The following BIRC6 variants were observed in gnomAD, a reference collection of about 807,000 sequenced individuals.
BIRC6 encodes baculoviral IAP repeat containing 6, also known as dual E2 ubiquitin-conjugating enzyme/E3 ubiquitin-protein ligase BIRC6.
A neutral mutation model predicts 503.3 loss-of-function variants in BIRC6; 98 were observed. That is an observed-to-expected ratio of 0.19 (90% CI 0.17 to 0.23). BIRC6 has a LOEUF of 0.23. Ranked by LOEUF, BIRC6 falls within the 10% of genes least tolerant of loss-of-function variation. The pLI is 1.00. For missense variants in BIRC6, 5,360 were observed against 5,806.0 expected (o/e 0.92, Z 2.50); for synonymous variants, 2,240 against 2,078.7 (o/e 1.08, Z -2.11).
chr2:32,591,937 T>C (rs185910699), intron 66 of BIRC6, among the ~76,000 whole-genome samples: 5 of 152,320 alleles, frequency 3.3e-5, no homozygotes, highest in Admixed American at 2.6e-4. Context: ...TTATTAGCTA[T>C]TGACAAATGC....
chr2:32,386,747 C>A (rs780706736), intron 3 of BIRC6, among the ~76,000 whole-genome samples: 4 of 152,118 alleles, frequency 2.6e-5, no homozygotes, highest in African/African-American at 4.8e-5. Context: ...AACCTCAAAT[C>A]TTTTACAGTG....
intron 65 of BIRC6, among the ~76,000 whole-genome samples, chr2:32,569,453 C>G (rs1196460353): frequency 6.6e-6 from 1 of 152,168 alleles, no homozygotes; most frequent in Non-Finnish European, 1.5e-5. Context: ...ACTGTAGCCT[C>G]GACCTGGTAG....
chr2:32,460,245 GATATAT>G (rs1269564471), intron 23 of BIRC6, among the ~76,000 whole-genome samples: 318 of 30,984 alleles, frequency 0.01, 13 homozygotes, highest in Non-Finnish European at 0.013. Flanking sequence ...TCTCGTATAT[GATATAT>G]ATATATATAT....
intron 32 of BIRC6, among the ~76,000 whole-genome samples, chr2:32,471,525 A>G (rs2049098934): frequency 6.6e-6 from 1 of 152,170 alleles, no homozygotes; most frequent in Admixed American, 6.5e-5. Context: ...TTAACTACAA[A>G]TGGCCTGTAT....
intron 66 of BIRC6, chr2:32,590,811 T>C: frequency 1.0e-6 from 1 of 985,872 alleles, no homozygotes; most frequent in Non-Finnish European, 1.2e-6. Flanking sequence ...TTCAGGGCAG[T>C]GATCACAACC....
intron 65 of BIRC6, among the ~76,000 whole-genome samples, chr2:32,554,123 G>T (rs947851220): frequency 6.6e-6 from 1 of 152,070 alleles, no homozygotes; most frequent in South Asian, 2.1e-4. Context: ...TTACTTTAGA[G>T]ACCCTCACCT....
At chr2:32,368,595 T>C (rs984493526) in intron 1 of BIRC6, among the ~76,000 whole-genome samples, 2 of 152,140 alleles carry the variant, frequency 1.3e-5, no homozygotes, top group South Asian at 4.1e-4. Context: ...TCAAACTCTC[T>C]AACTCCCTAG....
chr2:32,506,072 C>G (rs2053768870), intron 50 of BIRC6, among the ~76,000 whole-genome samples: 1 of 152,092 alleles, frequency 6.6e-6, no homozygotes, highest in Non-Finnish European at 1.5e-5. Flanking sequence ...TACTTTCAAA[C>G]TCCTGGGCTC....
At chr2:32,529,970 AAAT>A in intron 60 of BIRC6, 146 bp downstream of exon 60, 1 of 488,528 alleles carries the variant, frequency 2.0e-6, no homozygotes, top group Non-Finnish European at 3.3e-6. Flanking sequence ...TAAATATAAA[AAAT>A]GGCCATTATT....
chr2:32,391,700 A>G (rs1267183617), intron 4 of BIRC6, among the ~76,000 whole-genome samples: 1 of 152,226 alleles, frequency 6.6e-6, no homozygotes, highest in African/African-American at 2.4e-5. Flanking sequence ...TGGACTTCTC[A>G]AAAAGTTTAC....
rs2055764556 is a variant in BIRC6 at position 32,521,905 on chromosome 2, T to G, written c.11623+2959T>G. On this transcript the variant is annotated intron_variant, in intron 57 of 73. Coordinates refer to ENST00000421745, the MANE Select transcript of BIRC6 (RefSeq NM_016252.4). The stretch of plus-strand genomic sequence containing the variant: ...AATTTTTTCTTCACATTTCTTATGA[T>G]TAGAGTTTGTCGAGTTTCTTGAATC... 2 of 152,176 alleles carry G rather than the reference T, an allele frequency of 1.3e-5. 1 individual carries two copies. The highest frequency in any genetic ancestry group is 4.1e-4 in the South Asian group (2 of 4,832). The allele number at this position is 152,176 out of a possible 1,614,324, so 9.4% of individuals were successfully genotyped here.
chr2:32,467,587 C>T lies in BIRC6; in HGVS notation c.5419C>T (p.Pro1807Ser). ...RPILLTDVLI[P>S]TCGDLASLSI... ...TATATTGTTGACTGATGTATTGATT[C>T]CCACTTGTGGAGACTTGGCCTCTTT... is the stretch of plus-strand genomic sequence containing the variant. The change falls in exon 27 of 74, where the codon CCC becomes TCC. Residue 1807 changes from proline (P) to serine (S), a missense_variant. Around this residue, in one of 16 missense-constraint regions of BIRC6, gnomAD observed 2,299 missense variants for 2,267.2 expected, o/e 1.01. Coordinates refer to ENST00000421745, the MANE Select transcript of BIRC6 (RefSeq NM_016252.4). The T allele has an allele frequency of 1.2e-6, 2 of 1,613,836 alleles. No individual in the cohort carries two copies. The highest frequency in any genetic ancestry group is 1.7e-6 in the Non-Finnish European group (2 of 1,179,846).
At chr2:32,551,614 C>G (rs1489939819) in intron 65 of BIRC6, among the ~76,000 whole-genome samples, 2 of 152,166 alleles carry the variant, frequency 1.3e-5, no homozygotes, top group African/African-American at 4.8e-5. Context: ...AACAAATTAT[C>G]TAGCCAGAGT....
intron 24 of BIRC6, among the ~76,000 whole-genome samples, chr2:32,464,048 C>A (rs1276332342): frequency 6.6e-6 from 1 of 152,152 alleles, no homozygotes; most frequent in Non-Finnish European, 1.5e-5. Context: ...CGAAACCAGT[C>A]CCCTGCGCCT....
chr2:32,580,294 T>C (rs1175961940), intron 66 of BIRC6, among the ~76,000 whole-genome samples: 2 of 152,120 alleles, frequency 1.3e-5, no homozygotes, highest in East Asian at 3.9e-4. Flanking sequence ...TCTGACATAT[T>C]AGTAGAATTC....
rs139264064 is a variant in BIRC6, at chr2:32,568,468, G to A, written c.13145-6688G>A. Among the ~76,000 whole-genome samples, 402 of 146,208 alleles carry A rather than the reference G, an allele frequency of 2.7e-3. 6 individuals are homozygous for A. Among genetic ancestry groups the A allele is most frequent in the African/African-American group, 9.8e-3 (392 of 40,004 alleles). ...GGTTACACCATTGCACTCCAGCCTG[G>A]GCAACAGAGTGAGACCTTGGCGCAA... On this transcript the variant is annotated intron_variant, in intron 65 of 73. Coordinates refer to ENST00000421745, the MANE Select transcript of BIRC6 (RefSeq NM_016252.4).
intron 45 of BIRC6, 33 bp downstream of exon 45, chr2:32,493,700 T>C (rs1282259446): frequency 5.3e-6 from 8 of 1,503,188 alleles, no homozygotes; most frequent in Admixed American, 3.5e-5. Context: ...GTTCCTGATA[T>C]AGAAGTAACA....
intron 50 of BIRC6, 116 bp downstream of exon 50, chr2:32,505,321 A>G: frequency 1.2e-6 from 1 of 807,350 alleles, no homozygotes; most frequent in Non-Finnish European, 1.9e-6. Flanking sequence ...AGAGAGTGTA[A>G]CTTCTGAACA....
chr2:32,517,575 A>T (rs1461446265), intron 55 of BIRC6, among the ~76,000 whole-genome samples: 1 of 152,020 alleles, frequency 6.6e-6, no homozygotes, highest in African/African-American at 2.4e-5. Flanking sequence ...GGCTTTATAT[A>T]CATTTTGGGG....
Sources: allele counts gnomAD v4.1 joint callset (sites outside exome capture counted in the v4.1 genomes callset), GRCh38; gene constraint gnomAD v4.1.1; regional missense constraint gnomAD v4.1.1; transcripts MANE v1.5; gene names NCBI Gene and HGNC (gene_info 2026-07-23, HGNC 2026-07-21).